Variants in LRIF1 observed in about 807,000 individuals in gnomAD.
LRIF1 encodes the protein ligand dependent nuclear receptor interacting factor 1.
LRIF1 carries 32 observed loss-of-function variants against 52.7 expected under a neutral mutation model. That is an observed-to-expected ratio of 0.61 (90% CI 0.46 to 0.82). The LOEUF (loss-of-function observed/expected upper bound fraction) is 0.82, where lower values mean the gene tolerates loss of function less well. Ranked by LOEUF, LRIF1 falls within the 40% of genes least tolerant of loss-of-function variation. LRIF1 has a pLI of 0.00. For missense variants in LRIF1, 887 were observed against 892.0 expected, an observed-to-expected ratio of 0.99 and a Z score of 0.07; for synonymous variants, 323 against 317.4, an observed-to-expected ratio of 1.02 and a Z score of -0.19.
the LRIF1 span, chr1:110,891,524 C>G: frequency 7.3e-7 from 1 of 1,361,364 alleles, no homozygotes; most frequent in South Asian, 1.2e-5. Context: ...CAGCTAAGCT[C>G]TCCTCATTCC....
the LRIF1 span, among the ~76,000 whole-genome samples, chr1:110,883,678 G>A: frequency 1.3e-5 from 2 of 151,846 alleles, no homozygotes; most frequent in East Asian, 3.9e-4. Flanking sequence ...TGGACTAGCA[G>A]TTTTCTTTAT....
chr1:110,890,759 T>A, the LRIF1 span, among the ~76,000 whole-genome samples: 2 of 152,232 alleles, frequency 1.3e-5, no homozygotes, highest in Admixed American at 1.3e-4. Context: ...CATTGCATAT[T>A]TGTTGGCTTG....
the LRIF1 span, chr1:110,897,956 A>G: frequency 2.3e-6 from 2 of 872,106 alleles, no homozygotes; most frequent in South Asian, 2.9e-5. Context: ...AGATTTCAGA[A>G]TAATACCAGG....
chr1:110,958,233 G>A (rs1658792461), intron 1 of LRIF1, among the ~76,000 whole-genome samples: 1 of 151,986 alleles, frequency 6.6e-6, no homozygotes, highest in South Asian at 2.1e-4. Context: ...TTGCTATTCT[G>A]GAATATGCCA....
the LRIF1 span, among the ~76,000 whole-genome samples, chr1:110,934,216 A>G: frequency 2.6e-5 from 4 of 152,234 alleles, no homozygotes; most frequent in Non-Finnish European, 4.4e-5. Context: ...TGAGGGCTTT[A>G]GGTGAGCCAC....
downstream of LRIF1, chr1:110,945,194 A>G (rs1570935678): frequency 6.6e-6 from 1 of 152,138 alleles, no homozygotes; most frequent in Non-Finnish European, 1.5e-5. Context: ...TTGACTTTAA[A>G]AGCAGGATTC....
At chr1:110,906,966 T>C in the LRIF1 span, among the ~76,000 whole-genome samples, 1 of 152,228 alleles carries the variant, frequency 6.6e-6, no homozygotes, top group Non-Finnish European at 1.5e-5. Context: ...TATAATAGTT[T>C]ATGTTGTTTC....
chr1:110,881,946 C>T, the LRIF1 span, among the ~76,000 whole-genome samples: 1 of 152,138 alleles, frequency 6.6e-6, no homozygotes, highest in African/African-American at 2.4e-5. Context: ...ATCTTTTGCC[C>T]ATTTTAAAAA....
At chr1:110,941,381 CTT>C in the LRIF1 span, 1 of 152,018 alleles carries the variant, frequency 6.6e-6, no homozygotes, top group South Asian at 2.1e-4. Flanking sequence ...TACCTCCTTT[CTT>C]TTAATAAGTC....
rs1167829846 is a variant in LRIF1 at position 110,963,900 on chromosome 1, G to A, written c.-212C>T. The A allele has an allele frequency of 2.3e-6, 1 of 435,388 alleles. No individual in the cohort carries two copies. Among genetic ancestry groups the A allele is most frequent in the Admixed American group, 3.4e-5 (1 of 29,782 alleles). 27.0% of individuals were successfully genotyped at this position (435,388 alleles called of 1,614,324 possible). On this transcript the variant is annotated 5_prime_UTR_variant, in exon 1 of 4. Coordinates refer to ENST00000369763, the MANE Select transcript of LRIF1 (RefSeq NM_018372.4). ...GAGGTCGCGCACCGCGCAGAAACCG[G>A]AAGGCTCCTGGCGGTGGACTGCGCC... is the stretch of plus-strand genomic sequence containing the variant.
chr1:110,881,124 G>C, the LRIF1 span, among the ~76,000 whole-genome samples: 3 of 152,200 alleles, frequency 2.0e-5, no homozygotes, highest in Middle Eastern at 3.4e-3. Context: ...GGCCTTTGAC[G>C]TAAGTGTACA....
Position 110,951,579 on chromosome 1 carries a change from A to T in LRIF1, c.1305T>A (p.Ala435=). 1 of 1,614,154 alleles carries T rather than the reference A, an allele frequency of 6.2e-7. No individual in the cohort carries two copies. Among genetic ancestry groups the T allele is most frequent in the Non-Finnish European group, 8.5e-7 (1 of 1,180,022 alleles). Residue 435 remains alanine (A), a synonymous_variant, in exon 2 of 4, where the codon GCT becomes GCA. Coordinates refer to ENST00000369763, the MANE Select transcript of LRIF1 (RefSeq NM_018372.4). ...ETKSLSNTQL[A]SMANLRAEKN... ...TCTCTGCCCTTAGATTGGCCATGGAAGCAAGCTGGGTATTGGAAAGTGATT... is the reference window on the plus strand; with the variant it reads ...TCTCTGCCCTTAGATTGGCCATGGATGCAAGCTGGGTATTGGAAAGTGATT...
At chr1:110,875,910 T>G in the LRIF1 span, among the ~76,000 whole-genome samples, 1 of 152,298 alleles carries the variant, frequency 6.6e-6, no homozygotes, top group African/African-American at 2.4e-5. Flanking sequence ...TACTGAGAGT[T>G]AGAGGTGAGT....
chr1:110,925,177 G>A, the LRIF1 span, among the ~76,000 whole-genome samples: 2 of 152,036 alleles, frequency 1.3e-5, no homozygotes, highest in Non-Finnish European at 2.9e-5. Context: ...AGTAGTTTTG[G>A]GTAAAGCAGA....
chr1:110,888,283 G>A, the LRIF1 span, among the ~76,000 whole-genome samples: 6 of 152,190 alleles, frequency 3.9e-5, no homozygotes, highest in African/African-American at 7.2e-5. Flanking sequence ...CACCCGCTGC[G>A]AATCTCTGGG....
chr1:110,905,171 T>C, the LRIF1 span, among the ~76,000 whole-genome samples: 1 of 152,152 alleles, frequency 6.6e-6, no homozygotes, highest in African/African-American at 2.4e-5. Context: ...TTAAGAGTTA[T>C]TGGCCTTAAA....
At chr1:110,915,867 T>C in the LRIF1 span, among the ~76,000 whole-genome samples, 2 of 152,224 alleles carry the variant, frequency 1.3e-5, no homozygotes, top group African/African-American at 4.8e-5. Context: ...AATTAACTTT[T>C]AAAAAGCAAC....
At chr1:110,958,241 C>T (rs1438437339) in intron 1 of LRIF1, among the ~76,000 whole-genome samples, 1 of 152,132 alleles carries the variant, frequency 6.6e-6, no homozygotes, top group Non-Finnish European at 1.5e-5. Context: ...CTGGAATATG[C>T]CATGTATATT....
chr1:110,909,681 A>C, the LRIF1 span, among the ~76,000 whole-genome samples: 1 of 143,216 alleles, frequency 7.0e-6, no homozygotes, highest in Non-Finnish European at 1.5e-5. Flanking sequence ...CCCGAGTTCC[A>C]GTGATTCTTC....
Sources: gnomAD v4.1 joint callset for allele counts (sites outside exome capture counted in the v4.1 genomes callset) on GRCh38, gnomAD v4.1.1 for gene constraint, MANE v1.5 for transcripts, NCBI Gene and HGNC (gene_info 2026-07-23, HGNC 2026-07-21) for gene names.